The following RANBP17 variants were observed in gnomAD, a reference collection of about 807,000 sequenced individuals.
RANBP17 encodes ran-binding protein 17.
In RANBP17, 158 loss-of-function variants were observed where a neutral mutation model predicts 141.2. The observed-to-expected ratio is 1.12, with a 90% CI of 0.98 to 1.28. The LOEUF is 1.28. RANBP17 is among the 50% of genes most tolerant of loss of function. The probability of loss-of-function intolerance (pLI) is 0.00; values close to 1 mark genes in which losing one functional copy is unlikely to be tolerated. For missense variants in RANBP17, 1,438 were observed against 1,290.7 expected (o/e 1.11, Z -1.75); for synonymous variants, 430 against 450.0 (o/e 0.96, Z 0.56).
At position 171,265,614 on chromosome 5, in the gene RANBP17, C is replaced by T. The variant is rs2914100; in HGVS notation, c.2777-67C>T. The T allele has an allele frequency of 1.5e-3, 1,997 of 1,315,274 alleles. 29 individuals carry two copies. In the African/African-American group the frequency reaches 0.027, roughly 18 times the overall value. The allele number at this position is 1,315,274 out of a possible 1,614,324, so 81.5% of individuals were successfully genotyped here. On this transcript the variant is annotated intron_variant, in intron 24 of 27. Coordinates refer to ENST00000523189, the MANE Select transcript of RANBP17 (RefSeq NM_022897.5). The stretch of plus-strand genomic sequence containing the variant: ...AGAAAGTAATTATTTTTAATGGAGC[C>T]GTTAGAAAATCAAATGGAGCAAAAA...
chr5:171,123,549 C>G (rs898785303), intron 14 of RANBP17, among the ~76,000 whole-genome samples: 1 of 152,362 alleles, frequency 6.6e-6, no homozygotes, highest in Non-Finnish European at 1.5e-5. Flanking sequence ...ACTGCCACTT[C>G]TAAACACACC....
At chr5:170,895,928 A>G in intron 4 of RANBP17, 122 bp from the exon 5 acceptor site, 1 of 467,790 alleles carries the variant, frequency 2.1e-6, no homozygotes, top group Non-Finnish European at 3.8e-6. Context: ...TTTTGTTTCC[A>G]TTTTATTATT....
intron 5 of RANBP17, chr5:170,903,859 G>C (rs555290820): frequency 6.3e-6 from 3 of 473,292 alleles, no homozygotes; most frequent in Non-Finnish European, 1.2e-5. Context: ...AGCTCCGCAA[G>C]ATTTGAAGGG....
At chr5:171,089,113 G>C (rs1363918326) in intron 14 of RANBP17, among the ~76,000 whole-genome samples, 1 of 151,534 alleles carries the variant, frequency 6.6e-6, no homozygotes, top group Admixed American at 6.6e-5. Flanking sequence ...TTTGGTCTTT[G>C]ATGATGGTGA....
At chr5:171,102,421 G>T (rs1023289173) in intron 14 of RANBP17, among the ~76,000 whole-genome samples, 2 of 151,542 alleles carry the variant, frequency 1.3e-5, no homozygotes, top group Admixed American at 1.3e-4. Context: ...CAAACTTCTC[G>T]TGCTGTTTTT....
chr5:171,251,761 TCCCGCGCCCGCC>T, intron 24 of RANBP17: 7 of 906,284 alleles, frequency 7.7e-6, no homozygotes, highest in Non-Finnish European at 1.1e-5. Flanking sequence ...GTTCCCCTCC[TCCCGCGCCCGCC>T]CCCGCCTCTG....
At chr5:171,102,403 A>G (rs1163956122) in intron 14 of RANBP17, among the ~76,000 whole-genome samples, 1 of 151,796 alleles carries the variant, frequency 6.6e-6, no homozygotes. Flanking sequence ...ATACTTGTGT[A>G]TGCTTCACAA....
At chr5:170,872,544 G>C (rs908406249) in intron 1 of RANBP17, among the ~76,000 whole-genome samples, 10 of 152,106 alleles carry the variant, frequency 6.6e-5, no homozygotes, top group African/African-American at 2.4e-4. Flanking sequence ...TTCCCATACT[G>C]TGTTGAATAA....
intron 14 of RANBP17, among the ~76,000 whole-genome samples, chr5:171,017,303 G>A (rs1296860950): frequency 2.0e-5 from 3 of 152,084 alleles, no homozygotes; most frequent in Non-Finnish European, 4.4e-5. Flanking sequence ...GGTATTTCTG[G>A]TTCTAGATCC....
At chr5:170,955,648 GTA>G (rs1159344330) in intron 13 of RANBP17, among the ~76,000 whole-genome samples, 1,818 of 21,710 alleles carry the variant, frequency 0.084, 322 homozygotes, top group Middle Eastern at 0.2. Flanking sequence ...TATGCTCAGT[GTA>G]TATATATATA....
At chr5:170,989,896 T>G (rs982940717) in intron 14 of RANBP17, among the ~76,000 whole-genome samples, 2 of 151,768 alleles carry the variant, frequency 1.3e-5, no homozygotes, top group African/African-American at 4.8e-5. Context: ...CAATGAAAGC[T>G]AAAGTATTAG....
At chr5:171,236,818 A>G (rs1183656673) in intron 22 of RANBP17, among the ~76,000 whole-genome samples, 1 of 152,224 alleles carries the variant, frequency 6.6e-6, no homozygotes, top group Non-Finnish European at 1.5e-5. Flanking sequence ...TAATCTGCTC[A>G]GATACCTAGA....
Position 171,231,448 on chromosome 5 carries a change from C to T in RANBP17, c.2423-9480C>T, listed in dbSNP as rs184630827. The stretch of plus-strand genomic sequence containing the variant: ...TACCAAATACTACTCTAAGACTATA[C>T]GTAGGATCCTTGCCATCTTCAATAT... On this transcript the variant is annotated intron_variant, in intron 22 of 27. Coordinates refer to ENST00000523189, the MANE Select transcript of RANBP17 (RefSeq NM_022897.5). Among the ~76,000 whole-genome samples, 353 of 152,162 alleles carry T rather than the reference C, an allele frequency of 2.3e-3. 6 individuals are homozygous for T. The highest frequency in any genetic ancestry group is 0.021 in the Admixed American group (321 of 15,288).
intron 27 of RANBP17, among the ~76,000 whole-genome samples, chr5:171,298,510 G>A (rs1768960768): frequency 6.6e-6 from 1 of 152,160 alleles, no homozygotes; most frequent in African/African-American, 2.4e-5. Flanking sequence ...ACCACAAAAT[G>A]TACACCTCAA....
intron 20 of RANBP17, among the ~76,000 whole-genome samples, chr5:171,213,383 G>A (rs557977214): frequency 3.1e-4 from 47 of 152,176 alleles, no homozygotes; most frequent in African/African-American, 1.1e-3. Flanking sequence ...TAAGAACAAA[G>A]TAATATAACG....
intron 12 of RANBP17, among the ~76,000 whole-genome samples, chr5:170,931,619 T>C (rs1055758722): frequency 6.6e-6 from 1 of 152,254 alleles, no homozygotes; most frequent in Non-Finnish European, 1.5e-5. Flanking sequence ...TTCAGCTTTC[T>C]ATATATGGCT....
intron 12 of RANBP17, among the ~76,000 whole-genome samples, chr5:170,949,743 C>T (rs1775054375): frequency 1.3e-5 from 2 of 152,094 alleles, no homozygotes; most frequent in Non-Finnish European, 2.9e-5. Flanking sequence ...GAAATGAAAA[C>T]ATACATCCAC....
chr5:171,032,919 A>G (rs1253194593), intron 14 of RANBP17, among the ~76,000 whole-genome samples: 1 of 152,214 alleles, frequency 6.6e-6, no homozygotes. Context: ...CTTGGCAGTA[A>G]TAGAAAACTG....
chr5:171,282,915 T>A (rs1232166028), intron 25 of RANBP17, among the ~76,000 whole-genome samples: 1 of 152,114 alleles, frequency 6.6e-6, no homozygotes, highest in Non-Finnish European at 1.5e-5. Context: ...TGGCACCCCA[T>A]TTCCTGCACA....
Sources: gnomAD v4.1 joint callset for allele counts (sites outside exome capture counted in the v4.1 genomes callset) on GRCh38, gnomAD v4.1.1 for gene constraint, MANE v1.5 for transcripts, NCBI Gene and HGNC (gene_info 2026-07-23, HGNC 2026-07-21) for gene names.